Variants in ARHGAP44 observed in about 807,000 individuals in gnomAD.
ARHGAP44 encodes rho GTPase-activating protein 44.
In ARHGAP44, 43 loss-of-function variants were observed where a neutral mutation model predicts 106.8. The observed-to-expected ratio is 0.40, with a 90% CI of 0.32 to 0.52. The LOEUF is 0.52. ARHGAP44 is among the 20% of genes least tolerant of loss of function. The pLI, the probability that ARHGAP44 is intolerant of heterozygous loss-of-function variation, is 0.48. For synonymous variants in ARHGAP44, 439 were observed against 410.3 expected (o/e 1.07, Z -0.85); for missense variants, 866 against 1,050.5 (o/e 0.82, Z 2.43).
intron 7 of ARHGAP44, among the ~76,000 whole-genome samples, chr17:12,936,478 A>G (rs942011816): frequency 2.0e-5 from 3 of 152,166 alleles, no homozygotes; most frequent in Non-Finnish European, 4.4e-5. Flanking sequence ...CTTCTTTCAC[A>G]TAGTAATATG....
At chr17:12,926,452 A>G (rs905877960) in intron 6 of ARHGAP44, among the ~76,000 whole-genome samples, 13 of 116,914 alleles carry the variant, frequency 1.1e-4, no homozygotes, top group African/African-American at 3.9e-4. Flanking sequence ...TATACATAAT[A>G]TATATACATA....
intron 3 of ARHGAP44, among the ~76,000 whole-genome samples, chr17:12,901,233 A>G (rs7209847): frequency 0.13 from 19,352 of 151,994 alleles, 1,989 homozygotes; most frequent in East Asian, 0.34. Context: ...CAAGTTTGGC[A>G]TTTTTGAGAA....
intron 16 of ARHGAP44, among the ~76,000 whole-genome samples, chr17:12,961,920 C>T (rs1476734883): frequency 6.6e-6 from 1 of 152,004 alleles, no homozygotes; most frequent in African/African-American, 2.4e-5. Flanking sequence ...TCTCTTGAGT[C>T]CCTATGTTAT....
intron 10 of ARHGAP44, among the ~76,000 whole-genome samples, chr17:12,948,585 G>T (rs2038912480): frequency 6.6e-6 from 1 of 152,076 alleles, no homozygotes; most frequent in Admixed American, 6.6e-5. Context: ...CACGAGAATT[G>T]CTTGAACCCG....
intron 1 of ARHGAP44, among the ~76,000 whole-genome samples, chr17:12,833,209 A>G (rs1204263443): frequency 1.3e-5 from 2 of 152,234 alleles, no homozygotes; most frequent in Non-Finnish European, 2.9e-5. Flanking sequence ...AGTAAGAATT[A>G]CTGAGCATGA....
chr17:12,958,316 C>T lies in ARHGAP44; in HGVS notation c.1343-401C>T, dbSNP rs2039177436. On this transcript the variant is annotated intron_variant, in intron 15 of 20. Transcript: ENST00000379672. This position sits in a 1 kb window ranked among gnomAD's most constrained non-coding sequence, Gnocchi z 4.1. ...TCTTATTTTATTTTCTTGACTAATT[C>T]CATTGGCTAGTGTTTCTCAAATGGT... 6.6e-6 allele frequency among the ~76,000 whole-genome samples: 1 copy of T among 152,076 alleles called. No homozygotes were observed. Among genetic ancestry groups the T allele is most frequent in the African/African-American group, 2.4e-5 (1 of 41,390 alleles).
chr17:12,905,225 A>G (rs961392617), intron 3 of ARHGAP44, among the ~76,000 whole-genome samples: 2 of 152,166 alleles, frequency 1.3e-5, no homozygotes, highest in Admixed American at 6.5e-5. Flanking sequence ...GATATGATAG[A>G]GAATGAGATA....
intron 1 of ARHGAP44, among the ~76,000 whole-genome samples, chr17:12,855,142 A>G (rs2035871123): frequency 6.6e-6 from 1 of 152,086 alleles, no homozygotes; most frequent in African/African-American, 2.4e-5. Flanking sequence ...TTGTTCTTTC[A>G]TATTTCACCT....
intron 4 of ARHGAP44, among the ~76,000 whole-genome samples, chr17:12,911,049 C>CAAA (rs60781678): frequency 1.3e-3 from 162 of 128,634 alleles, no homozygotes; most frequent in East Asian, 5.3e-3. Flanking sequence ...AAAAAGTAAC[C>CAAA]AAAAAAAAAA....
chr17:12,834,847 A>G (rs1018269549), intron 1 of ARHGAP44, among the ~76,000 whole-genome samples: 3 of 152,216 alleles, frequency 2.0e-5, no homozygotes, highest in African/African-American at 7.2e-5. Context: ...TCTCCTTATT[A>G]TTAATAATGT....
rs1555546108 is a variant in ARHGAP44, at chr17:12,841,639, C to CACAA, written c.53+51749_53+51750insCAAA. ...ACACACACACACACACACACACACA[C>CACAA]AAACAAACAAACAAAAACCACACAA... On this transcript the variant is annotated intron_variant, in intron 1 of 20. Transcript: ENST00000379672. Among the ~76,000 whole-genome samples, 391 of 137,432 alleles carry CACAA rather than the reference C, an allele frequency of 2.8e-3. 2 individuals carry two copies. Among genetic ancestry groups the CACAA allele is most frequent in the African/African-American group, 0.011 (377 of 33,964 alleles). The allele number at this position is 137,432 out of a possible 152,430, so 90.2% of individuals were successfully genotyped here. A position where few individuals can be genotyped will look rare whatever the true frequency, so the allele number is the denominator to read the frequency against.
chr17:12,985,019 A>G, intron 20 of ARHGAP44, 111 bp downstream of exon 20: 2 of 1,387,526 alleles, frequency 1.4e-6, no homozygotes, highest in Non-Finnish European at 1.9e-6. Context: ...GTGCTTTGGG[A>G]TGACTGGGCT....
At chr17:12,893,633 T>G (rs1189079724) in intron 1 of ARHGAP44, among the ~76,000 whole-genome samples, 1 of 152,172 alleles carries the variant, frequency 6.6e-6, no homozygotes, top group Non-Finnish European at 1.5e-5. Context: ...TGGGTGGTTG[T>G]TACAGCCTGG....
chr17:12,867,537 CA>C (rs1478870191), intron 1 of ARHGAP44, among the ~76,000 whole-genome samples: 2 of 152,270 alleles, frequency 1.3e-5, no homozygotes, highest in East Asian at 3.9e-4. Flanking sequence ...ATTTCAGCAT[CA>C]CAGACTTGCA....
intron 1 of ARHGAP44, among the ~76,000 whole-genome samples, chr17:12,890,949 G>A (rs2037027250): frequency 6.6e-6 from 1 of 152,140 alleles, no homozygotes; most frequent in African/African-American, 2.4e-5. Context: ...GTTCAGTCAA[G>A]TTCTGTATAA....
rs1347468556 is a variant in ARHGAP44 at position 12,896,418 on chromosome 17, T to A, written c.105T>A (p.Arg35=). The A allele has an allele frequency of 1.2e-6, 2 of 1,601,406 alleles. No individual in the cohort carries two copies. The highest frequency in any genetic ancestry group is 4.5e-5 in the East Asian group (2 of 44,254). ...LSEDLLQVEK[R]LELVKQVSHS... ...TCTTCTCTCTGCAGGTGGAGAAGCG[T>A]CTGGAGCTGGTGAAACAGGTGTCCC... Residue 35 remains arginine (R), a synonymous_variant, in exon 3 of 21, where the codon CGT becomes CGA. Transcript: ENST00000379672.
In ARHGAP44 at chr17:12,974,215, G is replaced by A. The variant is rs2143337886; in HGVS notation, c.1668G>A (p.Leu556=). The change falls in exon 18 of 21, where the codon CTG becomes CTA. Residue 556 remains leucine (L), a synonymous_variant. Transcript: ENST00000379672. ...CGCCCGCCGAGCTGGCTGCGCCCCTGCCTTCGCCGCTGCCGGAGCAGCCCC... is the reference window on the plus strand; with the variant it reads ...CGCCCGCCGAGCTGGCTGCGCCCCTACCTTCGCCGCTGCCGGAGCAGCCCC... ...PAPPAELAAP[L]PSPLPEQPLD... 4 of 1,546,796 alleles carry A rather than the reference G, an allele frequency of 2.6e-6. No individual in the cohort carries two copies. Among genetic ancestry groups the A allele is most frequent in the Non-Finnish European group, 1.7e-6 (2 of 1,145,764 alleles).
intron 1 of ARHGAP44, among the ~76,000 whole-genome samples, chr17:12,854,558 G>A (rs986002715): frequency 6.6e-6 from 1 of 152,160 alleles, no homozygotes; most frequent in Non-Finnish European, 1.5e-5. Flanking sequence ...TAAAGAAAGT[G>A]AGGTGGACCT....
rs748288660 is a variant in ARHGAP44 at position 12,845,506 on chromosome 17, C to CAAAAAA, written c.54-49423_54-49418dup. On this transcript the variant is annotated intron_variant, in intron 1 of 20. Transcript: ENST00000379672. Reference sequence around the variant, plus strand: ...CTGGTGACAAAGCAAGACTCCGTCTCAAAAAAAAAAAAAAAACAAAAAAAC... The same window carrying CAAAAAA: ...CTGGTGACAAAGCAAGACTCCGTCTCAAAAAAAAAAAAAAAAAAAAAACAAAAAAAC... Among the ~76,000 whole-genome samples, 170 of 67,894 alleles carry CAAAAAA rather than the reference C, an allele frequency of 2.5e-3. 1 individual carries two copies. Among genetic ancestry groups the CAAAAAA allele is most frequent in the African/African-American group, 8.6e-3 (154 of 17,894 alleles). The allele number at this position is 67,894 out of a possible 152,430, so 44.5% of individuals were successfully genotyped here.
Sources: gnomAD v4.1 joint callset for allele counts (sites outside exome capture counted in the v4.1 genomes callset) on GRCh38, gnomAD v4.1.1 for gene constraint, Gnocchi (gnomAD v3.1) non-coding constraint, MANE v1.5 for transcripts, NCBI Gene and HGNC (gene_info 2026-07-23, HGNC 2026-07-21) for gene names.